The following PHACTR1 variants were observed in gnomAD, a reference collection of about 807,000 sequenced individuals.
PHACTR1 encodes the protein phosphatase and actin regulator 1.
Under a neutral mutation model 69.2 loss-of-function variants are expected in PHACTR1, and 16 were observed. That is an observed-to-expected ratio of 0.23 (90% CI 0.16 to 0.35). The LOEUF (loss-of-function observed/expected upper bound fraction) is 0.35, where lower values mean the gene tolerates loss of function less well. PHACTR1 is among the 10% of genes least tolerant of loss of function. The pLI is 1.00. For synonymous variants in PHACTR1, 312 were observed against 284.5 expected (o/e 1.10, Z -0.97); for missense variants, 510 against 734.7 (o/e 0.69, Z 3.54).
chr6:13,028,471 G>T (rs574513640), intron 4 of PHACTR1, among the ~76,000 whole-genome samples: 4 of 152,276 alleles, frequency 2.6e-5, no homozygotes, highest in African/African-American at 9.6e-5. Flanking sequence ...CCAGGAATCA[G>T]GAGCTTCCTC....
At chr6:12,946,614 A>C (rs1790696264) in intron 4 of PHACTR1, among the ~76,000 whole-genome samples, 1 of 152,184 alleles carries the variant, frequency 6.6e-6, no homozygotes, top group Non-Finnish European at 1.5e-5. Context: ...AGAGAACTCA[A>C]CATTTAAGAA....
chr6:13,109,508 A>T (rs1277396478), intron 5 of PHACTR1, among the ~76,000 whole-genome samples: 2 of 151,816 alleles, frequency 1.3e-5, no homozygotes, highest in East Asian at 3.9e-4. Flanking sequence ...GATGATTCTT[A>T]TCTTTTTTCA....
At chr6:12,740,933 AT>A (rs1186620580) in intron 3 of PHACTR1, among the ~76,000 whole-genome samples, 1 of 151,576 alleles carries the variant, frequency 6.6e-6, no homozygotes, top group East Asian at 1.9e-4. Flanking sequence ...TTAATCATTG[AT>A]TTTTTTCTTT....
At chr6:13,016,727 C>T (rs1018315211) in intron 4 of PHACTR1, among the ~76,000 whole-genome samples, 10 of 151,104 alleles carry the variant, frequency 6.6e-5, no homozygotes, top group African/African-American at 2.4e-4. Flanking sequence ...AACCATAGAA[C>T]ACAATTCACC....
intron 5 of PHACTR1, among the ~76,000 whole-genome samples, chr6:13,059,402 T>C (rs1807331165): frequency 6.6e-6 from 1 of 151,882 alleles, no homozygotes; most frequent in South Asian, 2.1e-4. Flanking sequence ...TAATTAACAA[T>C]CCAGTATTGT....
chr6:12,819,294 T>C (rs747496035), intron 4 of PHACTR1, among the ~76,000 whole-genome samples: 10 of 152,198 alleles, frequency 6.6e-5, no homozygotes, highest in Non-Finnish European at 1.2e-4. Context: ...GCAATTACAA[T>C]GTATTGCTTT....
chr6:13,127,142 G>C (rs1819656713), intron 5 of PHACTR1, among the ~76,000 whole-genome samples: 1 of 152,248 alleles, frequency 6.6e-6, no homozygotes, highest in South Asian at 2.1e-4. Flanking sequence ...GGAAGATAAG[G>C]GTTCGTTTAA....
chr6:12,856,251 C>CTTTTTTTTTTTTTTTTTTTT (rs201867496), intron 4 of PHACTR1, among the ~76,000 whole-genome samples: 6 of 95,276 alleles, frequency 6.3e-5, no homozygotes, highest in African/African-American at 1.8e-4. Context: ...TTCTTTCTTT[C>CTTTTTTTTTTTTTTTTTTTT]TTTCTTTTTT....
intron 7 of PHACTR1, among the ~76,000 whole-genome samples, chr6:13,197,651 C>CTGG (rs1439161022): frequency 2.0e-5 from 3 of 152,102 alleles, no homozygotes; most frequent in African/African-American, 7.2e-5. Flanking sequence ...CACCCATTAA[C>CTGG]TGGTCATTTA....
intron 5 of PHACTR1, 38 bp downstream of exon 5, chr6:13,053,567 TG>T: frequency 6.3e-7 from 1 of 1,597,210 alleles, no homozygotes; most frequent in Non-Finnish European, 8.5e-7. Context: ...ATTTGGTGTT[TG>T]TTGCCTTCAA....
intron 7 of PHACTR1, among the ~76,000 whole-genome samples, chr6:13,194,913 C>A (rs1277418608): frequency 6.6e-6 from 1 of 152,058 alleles, no homozygotes; most frequent in African/African-American, 2.4e-5. Flanking sequence ...TGAGGACGGT[C>A]CTCACGGAGG....
intron 5 of PHACTR1, among the ~76,000 whole-genome samples, chr6:13,124,362 CAAT>C (rs35373740): frequency 0.087 from 13,288 of 152,074 alleles, 705 homozygotes; most frequent in Middle Eastern, 0.14. Flanking sequence ...TGAAATGAGT[CAAT>C]AAAATAACTA....
intron 4 of PHACTR1, among the ~76,000 whole-genome samples, chr6:12,848,002 G>A (rs972227288): frequency 6.6e-6 from 1 of 152,028 alleles, no homozygotes; most frequent in Admixed American, 6.6e-5. Flanking sequence ...GTGGTTAGAA[G>A]AACAGCCTTT....
chr6:13,134,407 AAAG>A (rs901047252), intron 5 of PHACTR1, among the ~76,000 whole-genome samples: 3 of 152,200 alleles, frequency 2.0e-5, no homozygotes, highest in South Asian at 4.1e-4. Flanking sequence ...GTCTGTGTAG[AAAG>A]AAGTAGACAT....
intron 4 of PHACTR1, among the ~76,000 whole-genome samples, chr6:12,850,113 A>G (rs910126635): frequency 1.3e-5 from 2 of 152,198 alleles, no homozygotes; most frequent in Admixed American, 6.5e-5. Flanking sequence ...TGGAATCGTC[A>G]TGAATTCTTT....
At chr6:12,792,748 T>C (rs1772482682) in intron 4 of PHACTR1, among the ~76,000 whole-genome samples, 1 of 151,986 alleles carries the variant, frequency 6.6e-6, no homozygotes, top group African/African-American at 2.4e-5. Flanking sequence ...TTAGATTTCA[T>C]TAAAATGGAA....
chr6:12,964,973 A>C (rs9296556), intron 4 of PHACTR1, among the ~76,000 whole-genome samples: 77,424 of 151,868 alleles, frequency 0.51, 22,897 homozygotes, highest in African/African-American at 0.82. Context: ...CCGCAGTCCC[A>C]CTACCCCCGC....
intron 2 of PHACTR1, among the ~76,000 whole-genome samples, chr6:12,718,079 T>A (rs1338914446): frequency 6.6e-6 from 1 of 152,236 alleles, no homozygotes; most frequent in African/African-American, 2.4e-5. Flanking sequence ...TCATTCTTGC[T>A]GCTCTACAAA....
chr6:13,242,581 G>T (rs970402224), intron 10 of PHACTR1, among the ~76,000 whole-genome samples: 4 of 152,200 alleles, frequency 2.6e-5, no homozygotes, highest in Admixed American at 2.6e-4. Flanking sequence ...AATGCCCATG[G>T]TCTATATCAA....
Sources: gnomAD v4.1 joint callset for allele counts (sites outside exome capture counted in the v4.1 genomes callset) on GRCh38, gnomAD v4.1.1 for gene constraint, MANE v1.5 for transcripts, NCBI Gene and HGNC (gene_info 2026-07-23, HGNC 2026-07-21) for gene names.